The following CCDC92 variants were observed in gnomAD, a reference collection of about 807,000 sequenced individuals.
The protein encoded by CCDC92 is coiled-coil domain-containing protein 92.
Under a neutral mutation model 24.9 loss-of-function variants are expected in CCDC92, and 12 were observed. That is an observed-to-expected ratio of 0.48 (90% CI 0.31 to 0.78). The LOEUF (loss-of-function observed/expected upper bound fraction) is 0.78. Among genes scored for constraint, CCDC92 ranks in the 30% least tolerant of loss-of-function variants. CCDC92 has a pLI of 0.05. For missense variants in CCDC92, 399 were observed against 439.4 expected (o/e 0.91, Z 0.82); for synonymous variants, 193 against 196.3 (o/e 0.98, Z 0.14).
Position 123,935,758 on chromosome 12 carries a change from C to A in CCDC92, c.*1300G>T, listed in dbSNP as rs899394595. On this transcript the variant is annotated 3_prime_UTR_variant, in exon 5 of 5. Transcript: ENST00000238156. ...TTTCTTTTCCTTCTCAGAGAAAACA[C>A]TTGATTAGGCAAAAGTGCCTGGCAT... 3.1e-6 allele frequency: 1 copy of A among 324,364 alleles called. No individual in the cohort carries two copies. 20.1% of individuals were successfully genotyped at this position (324,364 alleles called of 1,614,324 possible).
chr12:123,960,158 C>T (rs1301204407), intron 1 of CCDC92, among the ~76,000 whole-genome samples: 1 of 152,158 alleles, frequency 6.6e-6, no homozygotes, highest in Non-Finnish European at 1.5e-5. Context: ...TGCTATTTCC[C>T]AGCCACCTAC....
intron 4 of CCDC92, among the ~76,000 whole-genome samples, chr12:123,938,158 CCT>C (rs1464228720): frequency 6.6e-6 from 1 of 152,232 alleles, no homozygotes; most frequent in African/African-American, 2.4e-5. Context: ...GCCGCAAATC[CCT>C]CTGTCTGCTC....
At chr12:123,951,933 T>C (rs1362526428) in intron 1 of CCDC92, among the ~76,000 whole-genome samples, 1 of 152,204 alleles carries the variant, frequency 6.6e-6, no homozygotes, top group Non-Finnish European at 1.5e-5. Flanking sequence ...AACACCCCTT[T>C]GTTTCAAGAT....
chr12:123,969,576 C>G (rs1261217706), intron 1 of CCDC92, among the ~76,000 whole-genome samples: 1 of 142,604 alleles, frequency 7.0e-6, no homozygotes, highest in African/African-American at 2.6e-5. Context: ...TCAAGCGATT[C>G]TCCTGCCTCA....
chr12:123,944,225 G>A (rs757570780), intron 2 of CCDC92, 47 bp downstream of exon 2: 1 of 1,260,288 alleles, frequency 7.9e-7, no homozygotes, highest in South Asian at 1.2e-5. Context: ...GCCCCTCCCA[G>A]CCCCAGCTTC....
chr12:123,958,200 T>C (rs1394728225), intron 1 of CCDC92, among the ~76,000 whole-genome samples: 2 of 152,058 alleles, frequency 1.3e-5, no homozygotes, highest in Admixed American at 6.6e-5. Flanking sequence ...ATGACAGGCA[T>C]GCAATACCAT....
Position 123,959,078 on chromosome 12 carries a change from C to T in CCDC92, c.-60+13451G>A, listed in dbSNP as rs544079935. Among the ~76,000 whole-genome samples the T allele has an allele frequency of 2.6e-5, 4 of 152,298 alleles. No homozygotes were observed. In the East Asian group the frequency reaches 5.8e-4, roughly 22 times the overall value. On this transcript the variant is annotated intron_variant, in intron 1 of 4. Coordinates refer to ENST00000238156, the MANE Select transcript of CCDC92 (RefSeq NM_025140.3). ...CCCAGGCTCTGGATCCAGACCTCCACGGTTTGCATTCCAGTTCTGCCCTTC... is the reference window on the plus strand; with the variant it reads ...CCCAGGCTCTGGATCCAGACCTCCATGGTTTGCATTCCAGTTCTGCCCTTC...
chr12:123,941,488 CTG>C (rs1166155588), intron 4 of CCDC92, among the ~76,000 whole-genome samples: 1 of 152,210 alleles, frequency 6.6e-6, no homozygotes, highest in Non-Finnish European at 1.5e-5. Context: ...TGGAAATGGT[CTG>C]TGTCTTTTAC....
At chr12:123,946,740 T>A (rs1222057009) in intron 1 of CCDC92, 23 of 152,484 alleles carry the variant, frequency 1.5e-4, no homozygotes, top group Admixed American at 1.5e-3. Flanking sequence ...TTTGTTTCCA[T>A]GGGCTTCCTA....
chr12:123,951,643 G>A (rs975937061), intron 1 of CCDC92, among the ~76,000 whole-genome samples: 1 of 152,220 alleles, frequency 6.6e-6, no homozygotes, highest in African/African-American at 2.4e-5. Context: ...CCCTGACCTG[G>A]CAGCACTGCC....
At chr12:123,965,740 TTCA>T (rs1346594820) in intron 1 of CCDC92, among the ~76,000 whole-genome samples, 2 of 152,230 alleles carry the variant, frequency 1.3e-5, no homozygotes, top group Admixed American at 1.3e-4. Context: ...CCAAAGTGCC[TTCA>T]TCTTGCTCCA....
At chr12:123,957,101 C>G (rs978802316) in intron 1 of CCDC92, among the ~76,000 whole-genome samples, 3 of 152,192 alleles carry the variant, frequency 2.0e-5, no homozygotes, top group African/African-American at 7.2e-5. Context: ...ATCCTTGGTT[C>G]ATGACACACT....
chr12:123,967,065 T>C (rs1956409375), intron 1 of CCDC92, among the ~76,000 whole-genome samples: 1 of 152,164 alleles, frequency 6.6e-6, no homozygotes, highest in African/African-American at 2.4e-5. Flanking sequence ...ACTGTACTAA[T>C]AAACTTGTCA....
intron 1 of CCDC92, among the ~76,000 whole-genome samples, chr12:123,963,469 G>A (rs1292728496): frequency 6.6e-6 from 1 of 152,222 alleles, no homozygotes; most frequent in Non-Finnish European, 1.5e-5. Context: ...AGGCAGGAGT[G>A]CAGAAAGGGA....
intron 1 of CCDC92, among the ~76,000 whole-genome samples, chr12:123,949,187 C>G (rs1310287947): frequency 6.6e-6 from 1 of 152,236 alleles, no homozygotes; most frequent in African/African-American, 2.4e-5. Flanking sequence ...CTCACCCCAT[C>G]TTAGCTGTGT....
intron 1 of CCDC92, among the ~76,000 whole-genome samples, chr12:123,947,417 G>A (rs933455451): frequency 6.6e-5 from 10 of 152,346 alleles, no homozygotes; most frequent in East Asian, 1.9e-4. Flanking sequence ...GAAGCCAGCC[G>A]GGCTCCTGAG....
Position 123,942,607 on chromosome 12 carries a change from C to T in CCDC92, c.223+137G>A, listed in dbSNP as rs1594455363. The T allele has an allele frequency of 6.7e-6, 5 of 742,856 alleles. No individual in the cohort carries two copies. The Admixed American group carries it at 7.7e-5, about 11-fold the overall frequency. 46.0% of individuals were successfully genotyped at this position (742,856 alleles called of 1,614,324 possible). ...GATCCAAACATCCTTCTCATCTTCT[C>T]TTAGAGAGCTCAGGCCACACGCATA... is the stretch of plus-strand genomic sequence containing the variant. On this transcript the variant is annotated intron_variant, in intron 4 of 4. Transcript: ENST00000238156.
rs1163408567 is a variant in CCDC92 at position 123,937,600 on chromosome 12, C to T, written c.454G>A (p.Ala152Thr). The T allele has an allele frequency of 1.2e-6, 2 of 1,613,412 alleles. No homozygotes were observed. The highest frequency in any genetic ancestry group is 2.7e-5 in the African/African-American group (2 of 74,892). The change falls in exon 5 of 5, where the codon GCC becomes ACC. Residue 152 changes from alanine to threonine, a missense_variant. Physicochemically the swap from Ala to Thr is moderately conservative, Grantham distance 58 (BLOSUM62 0). Coordinates refer to ENST00000238156, the MANE Select transcript of CCDC92 (RefSeq NM_025140.3). This position sits in a 1 kb window ranked among gnomAD's most constrained non-coding sequence, Gnocchi z 8.4. ...TLLSSELEQRASTIAYLTSQL... is the reference protein window; with the variant it reads ...TLLSSELEQRTSTIAYLTSQL... ...GAGGTCAGGTAGGCGATGGTGCTGGCCCGCTGCTCCAGCTCGCTAGACAGC... is the reference window on the plus strand; with the variant it reads ...GAGGTCAGGTAGGCGATGGTGCTGGTCCGCTGCTCCAGCTCGCTAGACAGC...
chr12:123,971,109 C>T (rs1956518577), intron 1 of CCDC92, among the ~76,000 whole-genome samples: 8 of 152,220 alleles, frequency 5.3e-5, no homozygotes, highest in Admixed American at 4.6e-4. Flanking sequence ...AAAAATCTCA[C>T]ACAAATAATT....
Sources: gnomAD v4.1 joint callset for allele counts (sites outside exome capture counted in the v4.1 genomes callset) on GRCh38, gnomAD v4.1.1 for gene constraint, Gnocchi (gnomAD v3.1) non-coding constraint, MANE v1.5 for transcripts, NCBI Gene and HGNC (gene_info 2026-07-23, HGNC 2026-07-21) for gene names.